CFAP46: variants seen among roughly 807,000 people sequenced by gnomAD.
The protein encoded by CFAP46 is cilia and flagella associated protein 46.
In CFAP46, 245 loss-of-function variants were observed where a neutral mutation model predicts 325.7. The observed-to-expected ratio is 0.75, with a 90% CI of 0.68 to 0.84. The LOEUF is 0.84. Ranked by LOEUF, CFAP46 falls within the 40% of genes least tolerant of loss-of-function variation. The pLI, the probability that CFAP46 is intolerant of heterozygous loss-of-function variation, is 0.00. For synonymous variants in CFAP46, 1,523 were observed against 1,495.9 expected, an observed-to-expected ratio of 1.02 and a Z score of -0.42; for missense variants, 3,346 against 3,543.0, an observed-to-expected ratio of 0.94 and a Z score of 1.41.
intron 22 of CFAP46, among the ~76,000 whole-genome samples, chr10:132,901,569 G>A (rs554826510): frequency 1.1e-4 from 17 of 152,266 alleles, no homozygotes; most frequent in African/African-American, 3.4e-4. Flanking sequence ...CTCTCAGCCC[G>A]CCCTGTGTGT....
At chr10:132,833,799 C>T (rs1016487461) in intron 49 of CFAP46, among the ~76,000 whole-genome samples, 2 of 152,222 alleles carry the variant, frequency 1.3e-5, no homozygotes, top group African/African-American at 4.8e-5. Flanking sequence ...TGCTGGGTTC[C>T]GTGGTGCTCT....
At chr10:132,836,967 G>A (rs1435252234) in intron 44 of CFAP46, 53 bp from the exon 45 acceptor site, 6 of 1,335,808 alleles carry the variant, frequency 4.5e-6, no homozygotes, top group South Asian at 1.2e-5. Context: ...CAAGGACGTC[G>A]CTGTGCTGTT....
intron 45 of CFAP46, 47 bp from the exon 46 acceptor site, chr10:132,836,265 AC>A: frequency 6.4e-7 from 1 of 1,564,350 alleles, no homozygotes; most frequent in Non-Finnish European, 8.8e-7. Context: ...CATGAAGGAA[AC>A]ACACCTCACA....
At chr10:132,834,894 A>T (rs1848214055) in intron 47 of CFAP46, 119 bp from the exon 48 acceptor site, 4 of 1,374,662 alleles carry the variant, frequency 2.9e-6, no homozygotes, top group Non-Finnish European at 3.9e-6. Context: ...AGCATGGTGG[A>T]CAAGGGCACC....
intron 32 of CFAP46, chr10:132,872,387 G>A: frequency 2.6e-6 from 1 of 389,098 alleles, no homozygotes; most frequent in Non-Finnish European, 4.9e-6. Context: ...CTGAGTAGTT[G>A]CGACAACAGG....
In CFAP46 at chr10:132,866,032, G is replaced by A; in HGVS notation, c.4883C>T (p.Ala1628Val). 1 of 1,509,654 alleles carries A rather than the reference G, an allele frequency of 6.6e-7. No individual in the cohort carries two copies. Among genetic ancestry groups the A allele is most frequent in the Non-Finnish European group, 8.9e-7 (1 of 1,125,626 alleles). 93.5% of individuals were successfully genotyped at this position (1,509,654 alleles called of 1,614,324 possible). The change falls in exon 35 of 58, where the codon GCT becomes GTT. Residue 1628 changes from alanine (A) to valine (V), a missense_variant. By Grantham distance (64) the Ala-to-Val change is moderately conservative (BLOSUM62 0). Coordinates refer to ENST00000368586, the MANE Select transcript of CFAP46 (RefSeq NM_001200049.3). ...CTGGGAGGGGCTCCTCACCTGGAAA[G>A]CCAGGTAAGCCTCCGACAGGAGCAG... ...ARLLLSEAYL[A>V]FQELDEPCAE...
At chr10:132,813,400 C>A (rs1349198962) in intron 54 of CFAP46, among the ~76,000 whole-genome samples, 2 of 145,894 alleles carry the variant, frequency 1.4e-5, no homozygotes, top group Non-Finnish European at 3.0e-5. Flanking sequence ...ACACACCTGT[C>A]CCTGCACACA....
At chr10:132,909,327 A>G in intron 20 of CFAP46, 83 bp from the exon 21 acceptor site, 1 of 960,830 alleles carries the variant, frequency 1.0e-6, no homozygotes, top group East Asian at 2.6e-5. Flanking sequence ...ACTGCAAGGT[A>G]TTAGTTTTAT....
At chr10:132,837,185 C>A (rs777179231) in intron 44 of CFAP46, 1 of 461,968 alleles carries the variant, frequency 2.2e-6, no homozygotes, top group Non-Finnish European at 3.9e-6. Flanking sequence ...ATTTGCATGA[C>A]GCAAAGTGCA....
At chr10:132,819,607 A>G (rs142686572) in intron 50 of CFAP46, among the ~76,000 whole-genome samples, 97 of 152,370 alleles carry the variant, frequency 6.4e-4, no homozygotes, top group African/African-American at 2.3e-3. Flanking sequence ...GTCAATTGAT[A>G]TTTGACAAAG....
rs1001903913 is a variant in CFAP46 at position 132,858,962 on chromosome 10, G to A, written c.5375+109C>T. The A allele has an allele frequency of 1.3e-5, 16 of 1,186,674 alleles. 1 individual carries two copies. The highest frequency in any genetic ancestry group is 4.2e-4 in the Middle Eastern group (2 of 4,808). 73.5% of individuals were successfully genotyped at this position (1,186,674 alleles called of 1,614,324 possible). A position where few individuals can be genotyped will look rare whatever the true frequency, so the allele number is the denominator to read the frequency against. On this transcript the variant is annotated intron_variant, in intron 38 of 57. Transcript: ENST00000368586. ...CCCAGGGGAGGGTCCTGTGGACCCCGCGGGGGTGCAGCCGGGGTGAGCCAG... is the reference window on the plus strand; with the variant it reads ...CCCAGGGGAGGGTCCTGTGGACCCCACGGGGGTGCAGCCGGGGTGAGCCAG...
Position 132,869,252 on chromosome 10 carries a change from C to T in CFAP46, c.4610+22G>A, listed in dbSNP as rs992785511. ...AGGGCGAGACTCAAACCCCAGGCGG[C>T]GCAGGGTGGGACGGCACACACCTGG... On this transcript the variant is annotated intron_variant, in intron 33 of 57. Transcript: ENST00000368586. This position sits in a 1 kb window ranked among gnomAD's most constrained non-coding sequence, Gnocchi z 6.2. 1.7e-5 allele frequency: 26 copies of T among 1,501,546 alleles called. No individual in the cohort carries two copies. The highest frequency in any genetic ancestry group is 1.3e-4 in the East Asian group (5 of 39,290). The allele number at this position is 1,501,546 out of a possible 1,614,324, so 93.0% of individuals were successfully genotyped here.
intron 54 of CFAP46, among the ~76,000 whole-genome samples, chr10:132,813,144 C>T (rs1249262999): frequency 6.6e-6 from 1 of 152,124 alleles, no homozygotes. Context: ...ATGAACACCC[C>T]TACTCGGGCG....
chr10:132,829,135 A>T (rs1318013394), intron 50 of CFAP46, among the ~76,000 whole-genome samples: 1 of 151,160 alleles, frequency 6.6e-6, no homozygotes, highest in Non-Finnish European at 1.5e-5. Context: ...ATTGTGTGGA[A>T]TCTATAGATC....
chr10:132,873,639 A>AGG lies in CFAP46; in HGVS notation c.4363-817_4363-816dup, dbSNP rs373964593. ...TCTCTCTCTCAGGCTGGGTTCTTGA[A>AGG]GGGCTGCACCTCAGAATTCCAGGCA... On this transcript the variant is annotated intron_variant, in intron 31 of 57. Transcript: ENST00000368586. Among the ~76,000 whole-genome samples the AGG allele has an allele frequency of 1.7e-3, 262 of 152,142 alleles. 1 individual carries two copies. The highest frequency in any genetic ancestry group is 6.0e-3 in the African/African-American group (250 of 41,496).
intron 8 of CFAP46, among the ~76,000 whole-genome samples, chr10:132,930,093 T>C (rs1190178967): frequency 6.6e-6 from 1 of 152,116 alleles, no homozygotes; most frequent in East Asian, 1.9e-4. Context: ...CTTCAGGTCA[T>C]GTGCAGAACC....
At chr10:132,893,664 G>A (rs1357358135) in intron 24 of CFAP46, among the ~76,000 whole-genome samples, 1 of 152,218 alleles carries the variant, frequency 6.6e-6, no homozygotes, top group East Asian at 1.9e-4. Flanking sequence ...CCGCAACAGT[G>A]TGAGACCCCC....
At chr10:132,908,958 G>A (rs1849499839) in intron 21 of CFAP46, among the ~76,000 whole-genome samples, 179 bp downstream of exon 21, 1 of 152,208 alleles carries the variant, frequency 6.6e-6, no homozygotes, top group Non-Finnish European at 1.5e-5. Context: ...GGGATGCTCT[G>A]AGCATGGAGC....
chr10:132,854,835 TG>T (rs1848617281), intron 39 of CFAP46, among the ~76,000 whole-genome samples: 1 of 152,228 alleles, frequency 6.6e-6, no homozygotes, highest in Non-Finnish European at 1.5e-5. Context: ...CCTGTTTCTA[TG>T]GATTTATCTA....
Sources: allele counts gnomAD v4.1 joint callset (sites outside exome capture counted in the v4.1 genomes callset), GRCh38; gene constraint gnomAD v4.1.1; non-coding constraint Gnocchi (gnomAD v3.1); transcripts MANE v1.5; gene names NCBI Gene and HGNC (gene_info 2026-07-23, HGNC 2026-07-21).